Variants in LDLRAD3 observed in about 807,000 individuals in gnomAD.
LDLRAD3 encodes low density lipoprotein receptor class A domain containing 3, also known as low-density lipoprotein receptor class A domain-containing protein 3.
In LDLRAD3, 20 loss-of-function variants were observed where a neutral mutation model predicts 29.4. That is an observed-to-expected ratio of 0.68 (90% confidence interval 0.48 to 0.99). The LOEUF (loss-of-function observed/expected upper bound fraction) is 0.99. Among genes scored for constraint, LDLRAD3 ranks in the 50% least tolerant of loss-of-function variants. The pLI is 0.00. For missense variants in LDLRAD3, 420 were observed against 454.3 expected, an observed-to-expected ratio of 0.92 and a Z score of 0.69; for synonymous variants, 157 against 192.7, an observed-to-expected ratio of 0.81 and a Z score of 1.53.
At chr11:36,169,979 A>G (rs973076447) in intron 4 of LDLRAD3, among the ~76,000 whole-genome samples, 2 of 152,048 alleles carry the variant, frequency 1.3e-5, no homozygotes, top group Non-Finnish European at 2.9e-5. Context: ...CGAGCAATGT[A>G]CACTGTACCC....
intron 4 of LDLRAD3, among the ~76,000 whole-genome samples, chr11:36,203,723 G>A (rs890598480): frequency 7.4e-5 from 11 of 148,144 alleles, no homozygotes; most frequent in Non-Finnish European, 1.1e-4. Flanking sequence ...TAATGATTAC[G>A]GGGTCTTGTT....
At chr11:36,124,001 G>A (rs1428457430) in intron 4 of LDLRAD3, among the ~76,000 whole-genome samples, 2 of 152,214 alleles carry the variant, frequency 1.3e-5, no homozygotes, top group African/African-American at 4.8e-5. Flanking sequence ...CTAAATAAAA[G>A]GGGGAGGATG....
intron 3 of LDLRAD3, among the ~76,000 whole-genome samples, chr11:36,092,483 C>T (rs4319491): frequency 0.011 from 1,728 of 152,156 alleles, 19 homozygotes; most frequent in African/African-American, 0.027. Flanking sequence ...TGTTTGTATC[C>T]TTTAACCCAC....
intron 1 of LDLRAD3, among the ~76,000 whole-genome samples, chr11:35,984,441 AC>A (rs1009650132): frequency 6.6e-6 from 1 of 152,192 alleles, no homozygotes; most frequent in Non-Finnish European, 1.5e-5. Flanking sequence ...AGTCTAAGCC[AC>A]TTTCAGCAGC....
chr11:36,137,299 T>G (rs2133311528), intron 4 of LDLRAD3, among the ~76,000 whole-genome samples: 1 of 152,332 alleles, frequency 6.6e-6, no homozygotes, highest in Admixed American at 6.5e-5. Flanking sequence ...TTAATATCCT[T>G]TGCCTGCCTG....
At chr11:36,191,558 C>CTT (rs1446997812) in intron 4 of LDLRAD3, among the ~76,000 whole-genome samples, 22 of 71,660 alleles carry the variant, frequency 3.1e-4, no homozygotes, top group African/African-American at 1.2e-3. Context: ...CTCTCTCTCT[C>CTT]TCTCTCTCTC....
intron 4 of LDLRAD3, among the ~76,000 whole-genome samples, chr11:36,128,136 G>GTATATATA (rs1565242649): frequency 2.1e-5 from 2 of 93,882 alleles, no homozygotes; most frequent in African/African-American, 4.2e-5. Context: ...ATATATATAT[G>GTATATATA]TATATGACAT....
At chr11:36,124,765 C>T (rs533313472) in intron 4 of LDLRAD3, among the ~76,000 whole-genome samples, 2 of 151,498 alleles carry the variant, frequency 1.3e-5, no homozygotes, top group East Asian at 3.9e-4. Flanking sequence ...GATCTTGGCT[C>T]ACTGCAACCT....
intron 1 of LDLRAD3, among the ~76,000 whole-genome samples, chr11:35,996,171 C>T (rs1289032544): frequency 6.6e-6 from 1 of 152,188 alleles, no homozygotes; most frequent in Admixed American, 6.5e-5. Context: ...CCATTTCTAG[C>T]TTTTGATTTA....
intron 4 of LDLRAD3, among the ~76,000 whole-genome samples, chr11:36,157,139 C>T (rs1050742431): frequency 2.0e-5 from 3 of 152,194 alleles, no homozygotes; most frequent in African/African-American, 7.2e-5. Flanking sequence ...AAAGAGAGGA[C>T]CCCATTCAGA....
intron 4 of LDLRAD3, among the ~76,000 whole-genome samples, chr11:36,154,845 C>T (rs992866978): frequency 2.6e-5 from 4 of 152,172 alleles, no homozygotes; most frequent in African/African-American, 9.7e-5. Flanking sequence ...CACCAGGTGA[C>T]CCCAGGCAGT....
At position 36,036,131 on chromosome 11, in the gene LDLRAD3, C is replaced by T. The variant is rs753990428; in HGVS notation, c.75C>T (p.Phe25=). 6.2e-7 allele frequency: 1 copy of T among 1,614,062 alleles called. No individual in the cohort carries two copies. Among genetic ancestry groups the T allele is most frequent in the East Asian group, 2.2e-5 (1 of 44,878 alleles). Residue 25 remains phenylalanine, a synonymous_variant, in exon 2 of 6, where the codon TTC becomes TTT. Transcript: ENST00000315571. ...GCCAGCTGCTCCCCGGGAACAACTT[C>T]ACCAATGAGTGCAACATACCAGGCA... ...AESQLLPGNN[F]TNECNIPGNF... is the part of the protein sequence containing the mutation.
intron 4 of LDLRAD3, among the ~76,000 whole-genome samples, chr11:36,154,116 GTTC>G (rs1221004317): frequency 1.3e-5 from 2 of 152,224 alleles, no homozygotes; most frequent in Admixed American, 1.3e-4. Flanking sequence ...CTCGGCCTCT[GTTC>G]TTCTTTTTGT....
At chr11:36,070,007 C>G (rs1026232516) in intron 2 of LDLRAD3, among the ~76,000 whole-genome samples, 2 of 152,206 alleles carry the variant, frequency 1.3e-5, no homozygotes, top group African/African-American at 4.8e-5. Context: ...ATGCCAGCCT[C>G]GTTCCTAGTT....
rs1335209502 is a variant in LDLRAD3, at chr11:36,083,776, A to C, written c.319+1998A>C. Among the ~76,000 whole-genome samples, 5 of 68,096 alleles carry C rather than the reference A, an allele frequency of 7.3e-5. No homozygotes were observed. The South Asian group carries it at 2.4e-3, about 33-fold the overall frequency. 44.7% of individuals were successfully genotyped at this position (68,096 alleles called of 152,430 possible). A position where few individuals can be genotyped will look rare whatever the true frequency, so the allele number is the denominator to read the frequency against. ...CACACACACACACACACACACACAC[A>C]CACACCCCAGAATAATCCAATGGCA... On this transcript the variant is annotated intron_variant, in intron 3 of 5. Coordinates refer to ENST00000315571, the MANE Select transcript of LDLRAD3 (RefSeq NM_174902.4).
chr11:36,059,101 C>A (rs1469466544), intron 2 of LDLRAD3, among the ~76,000 whole-genome samples: 1 of 152,154 alleles, frequency 6.6e-6, no homozygotes, highest in Non-Finnish European at 1.5e-5. Context: ...TACAGTGGCT[C>A]ACACTTGTAA....
chr11:36,184,468 C>T (rs115080587), intron 4 of LDLRAD3, among the ~76,000 whole-genome samples: 155 of 152,226 alleles, frequency 1.0e-3, no homozygotes, highest in African/African-American at 3.5e-3. Context: ...ATCCTGGATC[C>T]TCCAGTACTT....
At chr11:36,164,501 T>C (rs1854488105) in intron 4 of LDLRAD3, among the ~76,000 whole-genome samples, 1 of 152,230 alleles carries the variant, frequency 6.6e-6, no homozygotes, top group Non-Finnish European at 1.5e-5. Flanking sequence ...AGCTTTTAAG[T>C]GTACAAACTT....
chr11:35,961,742 A>T (rs117013944), intron 1 of LDLRAD3, among the ~76,000 whole-genome samples: 5 of 152,144 alleles, frequency 3.3e-5, no homozygotes, highest in Admixed American at 6.5e-5. Context: ...GAATATTAAA[A>T]TTTTTTTAAA....
Sources: allele counts gnomAD v4.1 joint callset (sites outside exome capture counted in the v4.1 genomes callset), GRCh38; gene constraint gnomAD v4.1.1; transcripts MANE v1.5; gene names NCBI Gene and HGNC (gene_info 2026-07-23, HGNC 2026-07-21).